MAP4K4: variants seen among roughly 807,000 people sequenced by gnomAD.
MAP4K4 encodes mitogen-activated protein kinase kinase kinase kinase 4, also known as HPK/GCK-like kinase HGK.
In MAP4K4, 38 loss-of-function variants were observed where a neutral mutation model predicts 189.6. That is an observed-to-expected ratio of 0.20 (90% CI 0.15 to 0.26). The LOEUF (loss-of-function observed/expected upper bound fraction) is 0.26, where lower values mean the gene tolerates loss of function less well. Among genes scored for constraint, MAP4K4 ranks in the 10% least tolerant of loss-of-function variants. The pLI is 1.00. For missense variants in MAP4K4, 1,054 were observed against 1,726.9 expected (o/e 0.61, Z 6.91); for synonymous variants, 610 against 624.3 (o/e 0.98, Z 0.34).
At chr2:101,845,209 C>CA (rs1435766264) in intron 12 of MAP4K4, among the ~76,000 whole-genome samples, 1 of 151,214 alleles carries the variant, frequency 6.6e-6, no homozygotes, top group East Asian at 1.9e-4. Context: ...ACCGAACACA[C>CA]ACGCACACAC....
At chr2:101,810,317 A>C (rs374015064) in intron 3 of MAP4K4, among the ~76,000 whole-genome samples, 1 of 152,108 alleles carries the variant, frequency 6.6e-6, no homozygotes, top group African/African-American at 2.4e-5. Flanking sequence ...AATACAGGTA[A>C]TCACTGTGCC....
intron 2 of MAP4K4, among the ~76,000 whole-genome samples, chr2:101,783,125 G>A (rs2088600320): frequency 6.6e-6 from 1 of 152,182 alleles, no homozygotes; most frequent in African/African-American, 2.4e-5. Context: ...TCTGGGGAGA[G>A]AATGGACAGA....
intron 2 of MAP4K4, among the ~76,000 whole-genome samples, chr2:101,752,189 T>C (rs1299547475): frequency 6.6e-6 from 1 of 152,188 alleles, no homozygotes; most frequent in Non-Finnish European, 1.5e-5. Flanking sequence ...AATTTTATAT[T>C]GAAATGGAAA....
chr2:101,699,608 G>A (rs562459550), intron 2 of MAP4K4, among the ~76,000 whole-genome samples: 41 of 152,266 alleles, frequency 2.7e-4, no homozygotes, highest in African/African-American at 9.9e-4. Flanking sequence ...GGAGTTGGGG[G>A]GGTTGGAAGC....
chr2:101,873,240 T>C (rs982112641), intron 24 of MAP4K4, among the ~76,000 whole-genome samples: 1 of 152,268 alleles, frequency 6.6e-6, no homozygotes, highest in Non-Finnish European at 1.5e-5. Context: ...TATTCCAGCA[T>C]AGATTATTTG....
Position 101,806,643 on chromosome 2 carries a change from G to A in MAP4K4, c.180+15867G>A, listed in dbSNP as rs143742069. ...TCCGCCCGCCTTGGCCTCCCAAAGT[G>A]CTGGGATTGCAGGCGTGAGCCACTG... On this transcript the variant is annotated intron_variant, in intron 3 of 32. Transcript: ENST00000324219. 8.3e-3 allele frequency among the ~76,000 whole-genome samples: 1,267 copies of A among 152,302 alleles called. 11 individuals are homozygous for A. The highest frequency in any genetic ancestry group is 0.014 in the Middle Eastern group (4 of 294).
chr2:101,784,110 C>G (rs1171325609), intron 2 of MAP4K4, among the ~76,000 whole-genome samples: 1 of 152,194 alleles, frequency 6.6e-6, no homozygotes, highest in African/African-American at 2.4e-5. Flanking sequence ...GCCGCAGCCA[C>G]CATGGTGGGT....
In MAP4K4 at chr2:101,799,228, T is replaced by C. The variant is rs139751009; in HGVS notation, c.180+8452T>C. Reference sequence around the variant, plus strand: ...AAGCTCAGTTTCCTCATCTGTAAAATGGAATAATGCCTACTTCAGAGGCTT... The same window carrying C: ...AAGCTCAGTTTCCTCATCTGTAAAACGGAATAATGCCTACTTCAGAGGCTT... On this transcript the variant is annotated intron_variant, in intron 3 of 32. Transcript: ENST00000324219. Among the ~76,000 whole-genome samples the C allele has an allele frequency of 5.8e-3, 885 of 152,340 alleles. 9 individuals carry two copies. Among genetic ancestry groups the C allele is most frequent in the African/African-American group, 0.021 (857 of 41,580 alleles).
intron 12 of MAP4K4, 122 bp downstream of exon 12, chr2:101,844,433 G>A (rs2149592385): frequency 2.7e-6 from 2 of 751,306 alleles, no homozygotes; most frequent in South Asian, 1.9e-5. Flanking sequence ...CCCTGGCACA[G>A]CTGTTTACAT....
chr2:101,786,986 T>C (rs2091512831), intron 2 of MAP4K4, among the ~76,000 whole-genome samples: 4 of 152,364 alleles, frequency 2.6e-5, no homozygotes, highest in Admixed American at 2.0e-4. Context: ...GATGAGATAC[T>C]GTGCCCAAGA....
chr2:101,870,296 T>A (rs759877850), exon 23 of MAP4K4: 3 of 1,612,464 alleles, frequency 1.9e-6, no homozygotes, highest in South Asian at 2.2e-5. Context: ...TCTCCATAGG[T>A]CATCTCTGAA....
At chr2:101,754,623 G>A (rs561642789) in intron 2 of MAP4K4, among the ~76,000 whole-genome samples, 191 of 152,268 alleles carry the variant, frequency 1.3e-3, no homozygotes, top group Middle Eastern at 6.8e-3. Flanking sequence ...CAAAGTGCTG[G>A]GATTACAGGC....
chr2:101,870,001 G>A (rs1304742657), intron 22 of MAP4K4: 9 of 676,392 alleles, frequency 1.3e-5, no homozygotes, highest in Non-Finnish European at 1.4e-5. Flanking sequence ...GCACCCCAGC[G>A]TGTACTTTAT....
At chr2:101,703,701 A>G (rs2040368586) in intron 2 of MAP4K4, among the ~76,000 whole-genome samples, 1 of 151,360 alleles carries the variant, frequency 6.6e-6, no homozygotes, top group Admixed American at 6.6e-5. Context: ...AAAGTGCCAT[A>G]TAGATTGTCT....
intron 6 of MAP4K4, 129 bp downstream of exon 6, chr2:101,829,723 A>G: frequency 3.0e-6 from 2 of 663,862 alleles, no homozygotes; most frequent in Non-Finnish European, 5.4e-6. Flanking sequence ...CTTCTTAAGA[A>G]TGTGGGAACT....
chr2:101,865,525 T>C (rs1458285821), intron 18 of MAP4K4, among the ~76,000 whole-genome samples: 1 of 152,224 alleles, frequency 6.6e-6, no homozygotes, highest in Non-Finnish European at 1.5e-5. Context: ...AGCTTCCTTA[T>C]ATTTAAATTA....
At position 101,890,622 on chromosome 2, in the gene MAP4K4, AT is replaced by A. The variant is rs530928755; in HGVS notation, c.4072-538del. On this transcript the variant is annotated intron_variant, in intron 32 of 32. Transcript: ENST00000324219. ...AGGAGCCCACCACCATGCCCAGCTA[AT>A]TTTTTGTGTTTTTAGTAGAGATGCG... 1.8e-3 allele frequency among the ~76,000 whole-genome samples: 270 copies of A among 148,874 alleles called. No individual in the cohort carries two copies. The Middle Eastern group carries it at 0.026, about 14-fold the overall frequency.
intron 27 of MAP4K4, among the ~76,000 whole-genome samples, chr2:101,881,730 T>C (rs769834451): frequency 4.6e-5 from 7 of 152,212 alleles, no homozygotes; most frequent in Non-Finnish European, 8.8e-5. Flanking sequence ...AAAGTTTTTA[T>C]TATAAGTAGG....
At chr2:101,698,189 A>AGCCGGCG in intron 1 of MAP4K4, 52 bp downstream of exon 1, 1 of 898,206 alleles carries the variant, frequency 1.1e-6, no homozygotes, top group Non-Finnish European at 1.4e-6. Context: ...GGCAGCCGGC[A>AGCCGGCG]GCCGGGGCCG....
Sources: gnomAD v4.1 joint callset for allele counts (sites outside exome capture counted in the v4.1 genomes callset) on GRCh38, gnomAD v4.1.1 for gene constraint, MANE v1.5 for transcripts, NCBI Gene and HGNC (gene_info 2026-07-23, HGNC 2026-07-21) for gene names.